GRIN2B: variants seen among roughly 807,000 people sequenced by gnomAD.
The protein encoded by GRIN2B is glutamate ionotropic receptor NMDA type subunit 2B, also known as glutamate receptor ionotropic, NMDA 2B.
GRIN2B carries 5 observed loss-of-function variants against 114.5 expected under a neutral mutation model. The observed-to-expected ratio is 0.04, with a 90% CI of 0.02 to 0.09. The LOEUF (loss-of-function observed/expected upper bound fraction) is 0.09. GRIN2B is among the 10% of genes least tolerant of loss of function. The pLI, the probability that GRIN2B is intolerant of heterozygous loss-of-function variation, is 1.00. For synonymous variants in GRIN2B, 787 were observed against 745.1 expected, an observed-to-expected ratio of 1.06 and a Z score of -0.92; for missense variants, 1,108 against 1,943.5, an observed-to-expected ratio of 0.57 and a Z score of 8.08.
chr12:13,952,238 C>A (rs1246320945), intron 2 of GRIN2B, among the ~76,000 whole-genome samples: 1 of 152,090 alleles, frequency 6.6e-6, no homozygotes, highest in Non-Finnish European at 1.5e-5. Flanking sequence ...AGACTCAACC[C>A]AATTCTCTTT....
chr12:13,828,366 T>C (rs1415737901), intron 3 of GRIN2B, among the ~76,000 whole-genome samples: 2 of 152,254 alleles, frequency 1.3e-5, no homozygotes, highest in Admixed American at 6.5e-5. Context: ...GTTCTTCTTA[T>C]GGCTCCTTGA....
intron 8 of GRIN2B, 34 bp from the exon 9 acceptor site, chr12:13,611,884 G>A: frequency 6.2e-7 from 1 of 1,608,182 alleles, no homozygotes; most frequent in Non-Finnish European, 8.5e-7. Context: ...CTCAGGGTTA[G>A]AACAGAGAGC....
At chr12:13,981,050 C>T (rs886155137) in intron 1 of GRIN2B, among the ~76,000 whole-genome samples, 9 of 152,074 alleles carry the variant, frequency 5.9e-5, no homozygotes. Flanking sequence ...ATGGGCTCGG[C>T]GCGTGGGTCC....
chr12:13,948,883 A>G (rs1172551373), intron 2 of GRIN2B, among the ~76,000 whole-genome samples: 1 of 152,140 alleles, frequency 6.6e-6, no homozygotes, highest in Non-Finnish European at 1.5e-5. Context: ...ACTGATGGGC[A>G]GCCACTCAGA....
chr12:13,628,848 A>C (rs763330408), intron 5 of GRIN2B, among the ~76,000 whole-genome samples: 14 of 152,246 alleles, frequency 9.2e-5, no homozygotes, highest in Non-Finnish European at 1.9e-4. Context: ...ACAATGAAGC[A>C]ATGTAGTTGA....
chr12:13,584,193 C>A (rs1948888263), intron 10 of GRIN2B, among the ~76,000 whole-genome samples: 1 of 152,160 alleles, frequency 6.6e-6, no homozygotes, highest in African/African-American at 2.4e-5. Flanking sequence ...CTAAAACTCA[C>A]CAGGCAAGCT....
intron 2 of GRIN2B, among the ~76,000 whole-genome samples, chr12:13,885,272 C>T (rs1342215493): frequency 6.6e-6 from 1 of 152,076 alleles, no homozygotes; most frequent in East Asian, 1.9e-4. Flanking sequence ...TGCAGAAGTT[C>T]CTATAGACAA....
At chr12:13,778,445 C>G (rs1333042929) in intron 3 of GRIN2B, among the ~76,000 whole-genome samples, 1 of 152,184 alleles carries the variant, frequency 6.6e-6, no homozygotes, top group African/African-American at 2.4e-5. Context: ...TAACAGCCAA[C>G]CAGAACAGAA....
intron 10 of GRIN2B, among the ~76,000 whole-genome samples, chr12:13,583,650 C>A (rs1333681694): frequency 6.6e-6 from 1 of 152,120 alleles, no homozygotes; most frequent in African/African-American, 2.4e-5. Flanking sequence ...GTTGGGGAGG[C>A]TGCACAGAGC....
intron 4 of GRIN2B, among the ~76,000 whole-genome samples, chr12:13,700,404 T>C (rs1029380854): frequency 1.2e-4 from 18 of 152,220 alleles, no homozygotes; most frequent in Non-Finnish European, 1.5e-5. Flanking sequence ...TAAAAATGAC[T>C]GCAATTTCTC....
chr12:13,654,942 A>G (rs1163805751), intron 5 of GRIN2B, among the ~76,000 whole-genome samples: 1 of 152,142 alleles, frequency 6.6e-6, no homozygotes, highest in African/African-American at 2.4e-5. Flanking sequence ...AAACAGGCTT[A>G]CACCTGTTAG....
rs891137727 is a variant in GRIN2B, at chr12:13,548,061, A to C, written c.*14722T>G. On this transcript the variant is annotated 3_prime_UTR_variant, in exon 14 of 14. Coordinates refer to ENST00000609686, the MANE Select transcript of GRIN2B (RefSeq NM_000834.5). Reference sequence around the variant, plus strand: ...CAAGGTGCCAATGATCAAATAGAGAAGTCTAGCTTGGAAATAAATCAAAAC... The same window carrying C: ...CAAGGTGCCAATGATCAAATAGAGACGTCTAGCTTGGAAATAAATCAAAAC... 1.3e-5 allele frequency: 2 copies of C among 149,074 alleles called. No individual in the cohort carries two copies. The highest frequency in any genetic ancestry group is 3.0e-5 in the Non-Finnish European group (2 of 67,426). The allele number at this position is 149,074 out of a possible 1,614,324, so 9.2% of individuals were successfully genotyped here.
At chr12:13,626,983 T>C (rs1009451997) in intron 5 of GRIN2B, among the ~76,000 whole-genome samples, 3 of 151,876 alleles carry the variant, frequency 2.0e-5, no homozygotes, top group African/African-American at 7.3e-5. Context: ...GTGGGGCACC[T>C]GACTGGCTGG....
At chr12:13,946,136 G>T (rs1033496641) in intron 2 of GRIN2B, among the ~76,000 whole-genome samples, 1 of 152,112 alleles carries the variant, frequency 6.6e-6, no homozygotes, top group East Asian at 1.9e-4. Flanking sequence ...TGTGGAGGGG[G>T]TAAATAATGT....
intron 10 of GRIN2B, among the ~76,000 whole-genome samples, chr12:13,598,691 T>C (rs902394700): frequency 3.9e-5 from 6 of 152,046 alleles, no homozygotes; most frequent in African/African-American, 1.4e-4. Context: ...CCTGGCTACC[T>C]CCTTGGCAGA....
At chr12:13,617,654 G>A (rs552009362) in intron 5 of GRIN2B, among the ~76,000 whole-genome samples, 8 of 152,300 alleles carry the variant, frequency 5.3e-5, no homozygotes, top group African/African-American at 1.7e-4. Context: ...TTATCGTAAG[G>A]AATTATGGAT....
In GRIN2B at chr12:13,547,981, A is replaced by ATATATATATATAT; in HGVS notation, c.*14801_*14802insATATATATATATA. 2.9e-5 allele frequency: 2 copies of ATATATATATATAT among 68,594 alleles called. No individual in the cohort carries two copies. Among genetic ancestry groups the ATATATATATATAT allele is most frequent in the African/African-American group, 4.6e-5 (1 of 21,784 alleles). The allele number at this position is 68,594 out of a possible 1,614,324, so 4.2% of individuals were successfully genotyped here. ...TGTGTATATATATATATATATATAT[A>ATATATATATATAT]TTTTTTTTTTTTTTCTGAAAGCTAC... On this transcript the variant is annotated 3_prime_UTR_variant, in exon 14 of 14. Coordinates refer to ENST00000609686, the MANE Select transcript of GRIN2B (RefSeq NM_000834.5).
Position 13,745,474 on chromosome 12 carries a change from C to T in GRIN2B, c.1010+7843G>A, listed in dbSNP as rs1236520276. Among the ~76,000 whole-genome samples the T allele has an allele frequency of 2.6e-5, 4 of 152,202 alleles. No homozygotes were observed. The East Asian group carries it at 5.8e-4, about 22-fold the overall frequency. ...TAACAGCAAAGCCCTGGCTGCCTGCCAGCCTGCCCTTCTGAGGACATGGCC... is the reference window on the plus strand; with the variant it reads ...TAACAGCAAAGCCCTGGCTGCCTGCTAGCCTGCCCTTCTGAGGACATGGCC... On this transcript the variant is annotated intron_variant, in intron 4 of 13. Transcript: ENST00000609686.
At chr12:13,906,999 G>A (rs1409008648) in intron 2 of GRIN2B, among the ~76,000 whole-genome samples, 1 of 152,076 alleles carries the variant, frequency 6.6e-6, no homozygotes, top group South Asian at 2.1e-4. Context: ...ATATCTTCTG[G>A]TGTCAGATGT....
Sources: allele counts gnomAD v4.1 joint callset (sites outside exome capture counted in the v4.1 genomes callset), GRCh38; gene constraint gnomAD v4.1.1; transcripts MANE v1.5; gene names NCBI Gene and HGNC (gene_info 2026-07-23, HGNC 2026-07-21).